The following ANK2 variants were observed in gnomAD, a reference collection of about 807,000 sequenced individuals.
The protein encoded by ANK2 is ankyrin 2, also known as ankyrin-2.
Under a neutral mutation model 360.5 loss-of-function variants are expected in ANK2, and 83 were observed. That is an observed-to-expected ratio of 0.23 (90% CI 0.19 to 0.28). The LOEUF is 0.28. ANK2 is among the 10% of genes least tolerant of loss of function. The probability of loss-of-function intolerance (pLI) is 1.00; values close to 1 mark genes in which losing one functional copy is unlikely to be tolerated. For missense variants in ANK2, 4,201 were observed against 4,795.7 expected (o/e 0.88, Z 3.66); for synonymous variants, 1,740 against 1,759.5 (o/e 0.99, Z 0.28).
At chr4:113,059,254 G>C (rs111316747) in intron 1 of ANK2, among the ~76,000 whole-genome samples, 1 of 152,100 alleles carries the variant, frequency 6.6e-6, no homozygotes, top group Non-Finnish European at 1.5e-5. Context: ...ACTTGTATTA[G>C]ATTGTGTATA....
chr4:113,025,296 C>A (rs1414884356), intron 2 of ANK2, among the ~76,000 whole-genome samples: 2 of 152,164 alleles, frequency 1.3e-5, no homozygotes, highest in African/African-American at 4.8e-5. Context: ...TCACCCCACA[C>A]AATGCACATA....
chr4:112,869,202 A>C (rs963214843), intron 1 of ANK2, among the ~76,000 whole-genome samples: 4 of 152,186 alleles, frequency 2.6e-5, no homozygotes, highest in Admixed American at 6.5e-5. Flanking sequence ...TCCTGGCCCT[A>C]AGTGATCTTC....
Position 113,357,457 on chromosome 4 carries a change from G to A in ANK2, c.8839G>A (p.Asp2947Asn). ...FSSEESKTQT[D>N]ANHTTSFHSS... ...TAGTGAAGAAAGCAAAACCCAAACA[G>A]ATGCAAATCACACCACAAGTTTTCA... is the stretch of plus-strand genomic sequence containing the variant. Residue 2947 changes from aspartate to asparagine, a missense_variant, in exon 38 of 46, where the codon GAT becomes AAT. By Grantham distance (23) the Asp-to-Asn change is conservative. Transcript: ENST00000357077. 6.2e-7 allele frequency: 1 copy of A among 1,614,042 alleles called. No individual in the cohort carries two copies. The highest frequency in any genetic ancestry group is 8.5e-7 in the Non-Finnish European group (1 of 1,179,970).
Position 113,341,763 on chromosome 4 carries a change from C to A in ANK2, c.3969C>A (p.Cys1323Ter). Reference protein sequence around the residue: ...FASQVYREIICVPYMAKFVVF... With the variant: ...FASQVYREII ...CACAAGTATACAGAGAAATTATCTG[C>A]GTACCTTATATGGCCAAATTTGTAG... Residue 1323 changes from cysteine to a stop codon, truncating the protein, a stop_gained, in exon 33 of 46, where the codon TGC becomes TGA. Coordinates refer to ENST00000357077, the MANE Select transcript of ANK2 (RefSeq NM_001148.6). LOFTEE classifies it high-confidence loss of function. 6.2e-7 allele frequency: 1 copy of A among 1,614,074 alleles called. No individual in the cohort carries two copies. The highest frequency in any genetic ancestry group is 8.5e-7 in the Non-Finnish European group (1 of 1,179,990).
intron 29 of ANK2, among the ~76,000 whole-genome samples, chr4:113,334,937 A>G (rs2093286949): frequency 6.6e-6 from 1 of 152,044 alleles, no homozygotes; most frequent in African/African-American, 2.4e-5. Flanking sequence ...TCAGTCTTCA[A>G]TCATGTGGAA....
At chr4:113,128,769 G>C (rs966312617) in intron 1 of ANK2, among the ~76,000 whole-genome samples, 2 of 152,118 alleles carry the variant, frequency 1.3e-5, no homozygotes, top group Non-Finnish European at 1.5e-5. Flanking sequence ...GATTACAGGC[G>C]TGAGCCACCG....
intron 1 of ANK2, among the ~76,000 whole-genome samples, chr4:113,146,889 A>G (rs917603871): frequency 6.6e-6 from 1 of 152,168 alleles, no homozygotes; most frequent in Non-Finnish European, 1.5e-5. Context: ...AGGCGTTTGT[A>G]CTTGTTATGT....
At position 113,373,266 on chromosome 4, in the gene ANK2, CA is replaced by C; in HGVS notation, c.11695-16del. 6.2e-7 allele frequency: 1 copy of C among 1,613,814 alleles called. No homozygotes were observed. Among genetic ancestry groups the C allele is most frequent in the South Asian group, 1.1e-5 (1 of 91,066 alleles). On this transcript the variant is annotated intron_variant, in intron 44 of 45. Transcript: ENST00000357077. ...TACTGTCACACAAAAATAAGATACA[CA>C]AATGAAATACATTTCAGGTTACTAG...
Position 113,354,144 on chromosome 4 carries a change from C to G in ANK2, c.5526C>G (p.His1842Gln), listed in dbSNP as rs2095588794. Residue 1842 changes from histidine (H) to glutamine (Q), a missense_variant, in exon 38 of 46, where the codon CAC becomes CAG. Coordinates refer to ENST00000357077, the MANE Select transcript of ANK2 (RefSeq NM_001148.6). ...CCTCTTCCGCAAAAACTGAAAGGCACCCTCCAGTATCACCATCAAGTAAAA... is the reference window on the plus strand; with the variant it reads ...CCTCTTCCGCAAAAACTGAAAGGCAGCCTCCAGTATCACCATCAAGTAAAA... ...TLSSSAKTER[H>Q]PPVSPSSKTE... The G allele has an allele frequency of 1.9e-6, 3 of 1,614,146 alleles. No homozygotes were observed. Among genetic ancestry groups the G allele is most frequent in the East Asian group, 2.2e-5 (1 of 44,888 alleles).
intron 1 of ANK2, among the ~76,000 whole-genome samples, chr4:112,886,732 G>A (rs998121679): frequency 1.3e-5 from 2 of 152,020 alleles, no homozygotes; most frequent in Non-Finnish European, 2.9e-5. Context: ...TGATCCGGAT[G>A]GAGCCAAAGT....
At chr4:113,313,082 C>A (rs935147074) in intron 24 of ANK2, among the ~76,000 whole-genome samples, 4 of 152,102 alleles carry the variant, frequency 2.6e-5, no homozygotes, top group Admixed American at 6.5e-5. Flanking sequence ...AAATTGAGTC[C>A]TTGGCTTCAA....
intron 2 of ANK2, among the ~76,000 whole-genome samples, chr4:112,988,919 A>G (rs1021402148): frequency 3.3e-5 from 5 of 152,178 alleles, no homozygotes; most frequent in African/African-American, 4.8e-5. Flanking sequence ...ATGGTCTCCT[A>G]ATAGTTTCAT....
At position 113,367,593 on chromosome 4, in the gene ANK2, G is replaced by C. The variant is rs143803967; in HGVS notation, c.11060G>C (p.Cys3687Ser). The C allele has an allele frequency of 3.2e-5, 52 of 1,613,646 alleles. No homozygotes were observed. In the African/African-American group the frequency reaches 5.1e-4, roughly 16 times the overall value. ...TTCTCGGTACTTCAAGAGGAGTTAT[G>C]CACTGCACAGCACAAGCAGAAAGAG... ...EGFSVLQEEL[C>S]TAQHKQKEEQ... The change falls in exon 42 of 46, where the codon TGC becomes TCC. Residue 3687 changes from cysteine (C) to serine (S), a missense_variant. Around this residue, in one of 4 missense-constraint regions of ANK2, gnomAD observed 2,642 missense variants for 2,714.5 expected, o/e 0.97. Coordinates refer to ENST00000357077, the MANE Select transcript of ANK2 (RefSeq NM_001148.6).
the ANK2 span, among the ~76,000 whole-genome samples, chr4:112,765,323 T>G: frequency 6.6e-6 from 1 of 152,246 alleles, no homozygotes; most frequent in African/African-American, 2.4e-5. Flanking sequence ...TTTGGTTGTT[T>G]GCTTAGGCCT....
intron 2 of ANK2, among the ~76,000 whole-genome samples, chr4:112,998,986 A>G (rs2049625962): frequency 6.6e-6 from 1 of 152,226 alleles, no homozygotes; most frequent in Admixed American, 6.5e-5. Context: ...AGAGAATGCT[A>G]TAACTAAAAT....
At chr4:112,766,654 C>T in the ANK2 span, among the ~76,000 whole-genome samples, 3 of 152,190 alleles carry the variant, frequency 2.0e-5, no homozygotes, top group African/African-American at 7.2e-5. Flanking sequence ...TTATATCCCT[C>T]TACCCTCAAG....
the ANK2 span, among the ~76,000 whole-genome samples, chr4:112,780,631 A>T: frequency 2.6e-5 from 4 of 152,312 alleles, no homozygotes; most frequent in East Asian, 7.7e-4. Flanking sequence ...TGGGTAATTT[A>T]TAAAGGAAAG....
At chr4:112,789,632 A>G in the ANK2 span, among the ~76,000 whole-genome samples, 8 of 152,360 alleles carry the variant, frequency 5.3e-5, no homozygotes, top group African/African-American at 1.9e-4. Context: ...AGTGATTTAA[A>G]GATGGCCAGT....
intron 13 of ANK2, among the ~76,000 whole-genome samples, chr4:113,264,379 T>A (rs1368796036): frequency 6.6e-6 from 1 of 152,214 alleles, no homozygotes; most frequent in East Asian, 1.9e-4. Context: ...TGACAGATTT[T>A]TAGGTTTTTA....
Sources: allele counts gnomAD v4.1 joint callset (sites outside exome capture counted in the v4.1 genomes callset), GRCh38; gene constraint gnomAD v4.1.1; regional missense constraint gnomAD v4.1.1; transcripts MANE v1.5; gene names NCBI Gene and HGNC (gene_info 2026-07-23, HGNC 2026-07-21).